P2RY12: variants seen among roughly 807,000 people sequenced by gnomAD.
The protein encoded by P2RY12 is P2Y purinoceptor 12.
A neutral mutation model predicts 4.5 loss-of-function variants in P2RY12; 3 were observed. The observed-to-expected ratio is 0.67, with a 90% CI of 0.31 to 1.74. The LOEUF (loss-of-function observed/expected upper bound fraction) is 1.74, where lower values mean the gene tolerates loss of function less well. Among genes scored for constraint, P2RY12 ranks in the 40% most tolerant of loss-of-function variants. The probability of loss-of-function intolerance (pLI) is 0.09; values close to 1 mark genes in which losing one functional copy is unlikely to be tolerated. For synonymous variants in P2RY12, 148 were observed against 154.1 expected, an observed-to-expected ratio of 0.96 and a Z score of 0.29; for missense variants, 356 against 407.8, an observed-to-expected ratio of 0.87 and a Z score of 1.09.
chr3:151,374,458 G>A (rs1245831522), intron 1 of P2RY12, among the ~76,000 whole-genome samples: 2 of 152,222 alleles, frequency 1.3e-5, no homozygotes, highest in African/African-American at 4.8e-5. Flanking sequence ...TGAGGCATGA[G>A]AATCGCTTGA....
chr3:151,375,302 G>C (rs1048571510), intron 1 of P2RY12, among the ~76,000 whole-genome samples: 1 of 152,150 alleles, frequency 6.6e-6, no homozygotes, highest in Admixed American at 6.5e-5. Context: ...GACTTCACCC[G>C]AAATAGATCT....
rs1018932965 is a variant in P2RY12 at position 151,368,615 on chromosome 3, A to G, written c.-180+16077T>C. Among the ~76,000 whole-genome samples the G allele has an allele frequency of 1.9e-3, 154 of 79,860 alleles. 1 individual carries two copies. The highest frequency in any genetic ancestry group is 6.5e-3 in the African/African-American group (140 of 21,414). 52.4% of individuals were successfully genotyped at this position (79,860 alleles called of 152,430 possible). A position where few individuals can be genotyped will look rare whatever the true frequency, so the allele number is the denominator to read the frequency against. On this transcript the variant is annotated intron_variant, in intron 1 of 2. Transcript: ENST00000302632. Reference sequence around the variant, plus strand: ...ATTTTATTTTATTTTATTTTATTTTATTTTATTTTATTTTATTTCATTTCA... The same window carrying G: ...ATTTTATTTTATTTTATTTTATTTTGTTTTATTTTATTTTATTTCATTTCA...
At chr3:151,348,874 A>G (rs1242269492) in intron 1 of P2RY12, among the ~76,000 whole-genome samples, 1 of 152,152 alleles carries the variant, frequency 6.6e-6, no homozygotes, top group Non-Finnish European at 1.5e-5. Context: ...CAAACATTGG[A>G]CTTCTCCTAG....
intron 1 of P2RY12, among the ~76,000 whole-genome samples, chr3:151,352,807 A>G (rs987439959): frequency 9.9e-5 from 15 of 152,128 alleles, no homozygotes; most frequent in Non-Finnish European, 1.3e-4. Flanking sequence ...ATATTAGTGA[A>G]GTTTACTATG....
rs764522324 is a variant in P2RY12, at chr3:151,378,153, G to A, written c.-180+6539C>T. 3.7e-6 allele frequency: 6 copies of A among 1,608,968 alleles called. No individual in the cohort carries two copies. The Admixed American group carries it at 6.7e-5, about 18-fold the overall frequency. ...TGGGTTCTTCTTCCAAAAAGGAAAG[G>A]GACAGACAGAAACAGAAAAGGTGTG... On this transcript the variant is annotated intron_variant, in intron 1 of 2. Coordinates refer to ENST00000302632, the MANE Select transcript of P2RY12 (RefSeq NM_022788.5).
intron 1 of P2RY12, among the ~76,000 whole-genome samples, chr3:151,353,505 C>A (rs1367111483): frequency 6.6e-6 from 1 of 152,164 alleles, no homozygotes; most frequent in South Asian, 2.1e-4. Context: ...ACTTATGTTA[C>A]CCCAGCACCT....
At chr3:151,377,703 G>C (rs1454034436) in intron 1 of P2RY12, among the ~76,000 whole-genome samples, 1 of 152,154 alleles carries the variant, frequency 6.6e-6, no homozygotes, top group African/African-American at 2.4e-5. Flanking sequence ...TGACAGAAAA[G>C]TATATTGTTT....
At chr3:151,382,837 C>T in intron 1 of P2RY12, 4 of 973,930 alleles carry the variant, frequency 4.1e-6, no homozygotes, top group Admixed American at 2.4e-5. Context: ...GCAAAGTCTG[C>T]ATTACAAGGT....
At chr3:151,368,636 TTTCATTTCATTTCATTTC>T (rs1755659034) in intron 1 of P2RY12, among the ~76,000 whole-genome samples, 3 of 63,056 alleles carry the variant, frequency 4.8e-5, no homozygotes, top group East Asian at 4.0e-4. Context: ...TTTTATTTCA[TTTCATTTCATTTCATTTC>T]ATTTCATTTC....
intron 1 of P2RY12, among the ~76,000 whole-genome samples, chr3:151,364,241 T>C (rs992238653): frequency 6.6e-6 from 1 of 152,184 alleles, no homozygotes; most frequent in South Asian, 2.1e-4. Context: ...AGGAGATAGG[T>C]TCTAATTCCT....
At chr3:151,356,327 G>A (rs939615491) in intron 1 of P2RY12, among the ~76,000 whole-genome samples, 1 of 152,122 alleles carries the variant, frequency 6.6e-6, no homozygotes, top group African/African-American at 2.4e-5. Flanking sequence ...AGGAGGTCAA[G>A]GATGCAATAA....
chr3:151,347,610 G>C (rs2150001590), intron 1 of P2RY12, among the ~76,000 whole-genome samples: 2 of 152,256 alleles, frequency 1.3e-5, no homozygotes, highest in East Asian at 3.9e-4. Flanking sequence ...TAGGTGTAAG[G>C]ACGAGCAACA....
intron 1 of P2RY12, among the ~76,000 whole-genome samples, chr3:151,366,591 C>G (rs1361966118): frequency 1.3e-5 from 2 of 152,126 alleles, no homozygotes; most frequent in Admixed American, 1.3e-4. Context: ...TGTCTTGATT[C>G]TTTACTTCTC....
chr3:151,384,194 C>T (rs1712909770), intron 1 of P2RY12: 1 of 1,607,424 alleles, frequency 6.2e-7, no homozygotes, highest in African/African-American at 1.3e-5. Context: ...AGCGTGCATA[C>T]ATGAATTTAG....
At position 151,341,020 on chromosome 3, in the gene P2RY12, A is replaced by G. The variant is rs140228477; in HGVS notation, c.-179-260T>C. On this transcript the variant is annotated intron_variant, in intron 1 of 2. Coordinates refer to ENST00000302632, the MANE Select transcript of P2RY12 (RefSeq NM_022788.5). Reference sequence around the variant, plus strand: ...CGAGTTATGGTTATTTTCTATGCAAATGATAAATCCAAGTTGAGATCAAGC... The same window carrying G: ...CGAGTTATGGTTATTTTCTATGCAAGTGATAAATCCAAGTTGAGATCAAGC... Among the ~76,000 whole-genome samples, 117 of 152,300 alleles carry G rather than the reference A, an allele frequency of 7.7e-4. No individual in the cohort carries two copies. In the Middle Eastern group the frequency reaches 0.01, roughly 13 times the overall value.
chr3:151,346,763 C>T (rs568842663), intron 1 of P2RY12, among the ~76,000 whole-genome samples: 31 of 152,260 alleles, frequency 2.0e-4, no homozygotes, highest in African/African-American at 7.0e-4. Context: ...TTGCACCCCT[C>T]CCAGGACTTG....
rs374613376 is a variant in P2RY12 at position 151,368,216 on chromosome 3, G to A, written c.-180+16476C>T. ...TGCCGACTCTTGCTTCATCTCTTCC[G>A]AGCTCCCCAGGCCTGCTTCTTACCT... On this transcript the variant is annotated intron_variant, in intron 1 of 2. Transcript: ENST00000302632. 1.5e-5 allele frequency: 24 copies of A among 1,613,894 alleles called. No individual in the cohort carries two copies. The highest frequency in any genetic ancestry group is 6.7e-5 in the African/African-American group (5 of 74,888).
At chr3:151,361,174 T>C (rs1560076215) in intron 1 of P2RY12, among the ~76,000 whole-genome samples, 1 of 152,152 alleles carries the variant, frequency 6.6e-6, no homozygotes, top group Non-Finnish European at 1.5e-5. Context: ...TGGTGACTCA[T>C]AGAAGGTTCT....
intron 1 of P2RY12, among the ~76,000 whole-genome samples, chr3:151,353,113 T>G (rs991495826): frequency 2.0e-5 from 3 of 152,106 alleles, no homozygotes; most frequent in Non-Finnish European, 4.4e-5. Context: ...ATAAATGGAG[T>G]CCATTAACAC....
Sources: gnomAD v4.1 joint callset for allele counts (sites outside exome capture counted in the v4.1 genomes callset) on GRCh38, gnomAD v4.1.1 for gene constraint, MANE v1.5 for transcripts, NCBI Gene and HGNC (gene_info 2026-07-23, HGNC 2026-07-21) for gene names.